Variants in GABRB1 observed in about 807,000 individuals in gnomAD.
The protein encoded by GABRB1 is gamma-aminobutyric acid type A receptor subunit beta1.
Under a neutral mutation model 51.6 loss-of-function variants are expected in GABRB1, and 17 were observed. That is an observed-to-expected ratio of 0.33 (90% confidence interval 0.23 to 0.49). The LOEUF is 0.49. Among genes scored for constraint, GABRB1 ranks in the 20% least tolerant of loss-of-function variants. The probability of loss-of-function intolerance (pLI) is 0.99; values close to 1 mark genes in which losing one functional copy is unlikely to be tolerated. For missense variants in GABRB1, 410 were observed against 600.6 expected, an observed-to-expected ratio of 0.68 and a Z score of 3.32; for synonymous variants, 247 against 218.9, an observed-to-expected ratio of 1.13 and a Z score of -1.14.
At position 47,141,402 on chromosome 4, in the gene GABRB1, G is replaced by A. The variant is rs1354274661; in HGVS notation, c.241-19847G>A. On this transcript the variant is annotated intron_variant, in intron 3 of 8. Transcript: ENST00000295454. ...TTTATTGAAATTTAGAATTTGAGAA[G>A]GTAGCTAGTTGTCTCCACTTAGATC... 2.6e-5 allele frequency among the ~76,000 whole-genome samples: 4 copies of A among 152,038 alleles called. No individual in the cohort carries two copies. The East Asian group carries it at 7.7e-4, about 29-fold the overall frequency.
In GABRB1 at chr4:47,161,442, C is replaced by G; in HGVS notation, c.434C>G (p.Pro145Arg). ...TVKNRMIRLHPDGTVLYGLRI... is the reference protein window; with the variant it reads ...TVKNRMIRLHRDGTVLYGLRI... ...AAAAATCGAATGATTCGACTGCATCCTGATGGAACAGTTCTCTATGGACTC... is the reference window on the plus strand; with the variant it reads ...AAAAATCGAATGATTCGACTGCATCGTGATGGAACAGTTCTCTATGGACTC... The change falls in exon 4 of 9, where the codon CCT (proline) becomes CGT (arginine). Residue 145 changes from proline (P) to arginine (R), a missense_variant. Pro to Arg is a moderately radical substitution (Grantham distance 103). Around this residue, in one of 5 missense-constraint regions of GABRB1, gnomAD observed 100 missense variants for 184.3 expected, o/e 0.54. Transcript: ENST00000295454. The G allele has an allele frequency of 6.2e-7, 1 of 1,612,186 alleles. No individual in the cohort carries two copies. The highest frequency in any genetic ancestry group is 8.5e-7 in the Non-Finnish European group (1 of 1,178,812).
At chr4:47,077,647 A>G (rs1273248285) in intron 3 of GABRB1, among the ~76,000 whole-genome samples, 1 of 151,546 alleles carries the variant, frequency 6.6e-6, no homozygotes, top group Non-Finnish European at 1.5e-5. Flanking sequence ...CTCAATGAAG[A>G]GTTTGCCTAC....
chr4:47,366,319 A>T (rs914367927), intron 5 of GABRB1, among the ~76,000 whole-genome samples: 1 of 152,214 alleles, frequency 6.6e-6, no homozygotes, highest in African/African-American at 2.4e-5. Flanking sequence ...CTCAGGTAGC[A>T]GAGTGTCTCC....
chr4:47,283,820 G>A (rs1212946853), intron 4 of GABRB1, among the ~76,000 whole-genome samples: 1 of 152,058 alleles, frequency 6.6e-6, no homozygotes, highest in Non-Finnish European at 1.5e-5. Flanking sequence ...GAATAAGGTC[G>A]ATGACCATGA....
At chr4:47,106,022 T>C (rs1714953897) in intron 3 of GABRB1, among the ~76,000 whole-genome samples, 1 of 152,158 alleles carries the variant, frequency 6.6e-6, no homozygotes, top group Admixed American at 6.6e-5. Flanking sequence ...TTTCCTTAAA[T>C]TTTAAATTGC....
intron 4 of GABRB1, among the ~76,000 whole-genome samples, chr4:47,291,627 C>T (rs112370335): frequency 6.6e-6 from 1 of 152,134 alleles, no homozygotes; most frequent in Non-Finnish European, 1.5e-5. Context: ...AGAGGAAGAG[C>T]CACCGAAGAC....
intron 4 of GABRB1, among the ~76,000 whole-genome samples, chr4:47,302,725 T>C (rs995723255): frequency 2.0e-5 from 3 of 152,072 alleles, no homozygotes; most frequent in Admixed American, 6.5e-5. Context: ...ATTTACGCAG[T>C]TCTTGTGTAA....
chr4:47,005,404 T>C (rs1296133178), intron 1 of GABRB1, among the ~76,000 whole-genome samples: 1 of 151,776 alleles, frequency 6.6e-6, no homozygotes, highest in Non-Finnish European at 1.5e-5. Flanking sequence ...GGCGACAGAG[T>C]GGGACTCCGT....
chr4:47,236,259 TA>T lies in GABRB1; in HGVS notation c.461+74791del, dbSNP rs1286473634. Among the ~76,000 whole-genome samples, 3 of 152,272 alleles carry T rather than the reference TA, an allele frequency of 2.0e-5. No homozygotes were observed. The East Asian group carries it at 5.8e-4, about 29-fold the overall frequency. On this transcript the variant is annotated intron_variant, in intron 4 of 8. Transcript: ENST00000295454. ...CATCATTTATTCTAAGACACTTTGC[TA>T]TACATTAAAGACACAGCAGTAAACA...
chr4:47,397,733 A>ATT (rs553046990), intron 5 of GABRB1, among the ~76,000 whole-genome samples: 2 of 146,460 alleles, frequency 1.4e-5, no homozygotes, highest in African/African-American at 5.0e-5. Flanking sequence ...TGCTCAGCTA[A>ATT]TTTTTTTTTT....
chr4:47,108,735 C>T (rs1342848016), intron 3 of GABRB1, among the ~76,000 whole-genome samples: 1 of 151,942 alleles, frequency 6.6e-6, no homozygotes, highest in Non-Finnish European at 1.5e-5. Context: ...AGTAATAAAG[C>T]AATAACTGCA....
At chr4:47,263,056 G>T (rs1003229413) in intron 4 of GABRB1, among the ~76,000 whole-genome samples, 1 of 109,988 alleles carries the variant, frequency 9.1e-6, no homozygotes, top group African/African-American at 3.4e-5. Context: ...GGTGGGGGGA[G>T]GGGGGAGGGA....
chr4:47,076,782 G>A (rs1727571090), intron 3 of GABRB1, among the ~76,000 whole-genome samples: 1 of 152,132 alleles, frequency 6.6e-6, no homozygotes, highest in South Asian at 2.1e-4. Context: ...TACTTGATTA[G>A]CCATTTTCCC....
At chr4:47,298,013 A>G (rs1350271773) in intron 4 of GABRB1, among the ~76,000 whole-genome samples, 1 of 152,240 alleles carries the variant, frequency 6.6e-6, no homozygotes. Flanking sequence ...CAATAGATGC[A>G]GAAAAGGCCT....
intron 4 of GABRB1, among the ~76,000 whole-genome samples, chr4:47,173,174 G>A (rs965722646): frequency 6.6e-6 from 1 of 152,138 alleles, no homozygotes; most frequent in African/African-American, 2.4e-5. Flanking sequence ...AGCTGAGTTA[G>A]TTGTTTGTTC....
chr4:47,340,008 T>C (rs1725828570), intron 5 of GABRB1, among the ~76,000 whole-genome samples: 3 of 152,202 alleles, frequency 2.0e-5, no homozygotes, highest in African/African-American at 4.8e-5. Context: ...ATGCATTTAG[T>C]TGAAACTTAA....
At chr4:47,337,393 G>A (rs1316097384) in intron 5 of GABRB1, among the ~76,000 whole-genome samples, 3 of 152,166 alleles carry the variant, frequency 2.0e-5, no homozygotes, top group African/African-American at 7.2e-5. Context: ...AGAGGAGGTG[G>A]TGAGGATGAG....
chr4:47,068,307 A>C (rs1227916300), intron 3 of GABRB1, among the ~76,000 whole-genome samples: 1 of 152,204 alleles, frequency 6.6e-6, no homozygotes, highest in Admixed American at 6.5e-5. Context: ...CTTTCTTATC[A>C]TTTGTGTGTT....
intron 5 of GABRB1, among the ~76,000 whole-genome samples, chr4:47,332,060 C>T (rs188476313): frequency 6.6e-6 from 1 of 152,318 alleles, no homozygotes; most frequent in East Asian, 1.9e-4. Context: ...GAGAAGAAAG[C>T]ACATTTTAAT....
Sources: allele counts gnomAD v4.1 joint callset (sites outside exome capture counted in the v4.1 genomes callset), GRCh38; gene constraint gnomAD v4.1.1; regional missense constraint gnomAD v4.1.1; transcripts MANE v1.5; gene names NCBI Gene and HGNC (gene_info 2026-07-23, HGNC 2026-07-21).